Variants in NDST4 observed in about 807,000 individuals in gnomAD.
The protein encoded by NDST4 is N-deacetylase and N-sulfotransferase 4, also known as N-heparan sulfate sulfotransferase 4.
NDST4 carries 63 observed loss-of-function variants against 100.8 expected under a neutral mutation model. That is an observed-to-expected ratio of 0.62 (90% CI 0.51 to 0.77). NDST4 has a LOEUF of 0.77. Ranked by LOEUF, NDST4 falls within the 30% of genes least tolerant of loss-of-function variation. NDST4 has a pLI of 0.00. For synonymous variants in NDST4, 377 were observed against 361.8 expected (o/e 1.04, Z -0.48); for missense variants, 943 against 1,018.4 (o/e 0.93, Z 1.01).
intron 3 of NDST4, among the ~76,000 whole-genome samples, chr4:114,975,460 A>G (rs938567642): frequency 6.6e-6 from 1 of 152,126 alleles, no homozygotes; most frequent in Admixed American, 6.6e-5. Context: ...TAATTAAAAT[A>G]CATCTTTCTT....
At chr4:115,088,448 C>T (rs972131181) in intron 1 of NDST4, among the ~76,000 whole-genome samples, 1 of 151,802 alleles carries the variant, frequency 6.6e-6, no homozygotes, top group Non-Finnish European at 1.5e-5. Flanking sequence ...CATCTGTAGA[C>T]CATAAACACC....
chr4:114,849,579 A>AGCCAAAGGG (rs1723628150), intron 8 of NDST4, among the ~76,000 whole-genome samples: 1 of 152,188 alleles, frequency 6.6e-6, no homozygotes, highest in Non-Finnish European at 1.5e-5. Context: ...ACCAAGAGGT[A>AGCCAAAGGG]ATGAGTAGCT....
At chr4:115,097,298 G>A (rs1012853383) in intron 1 of NDST4, among the ~76,000 whole-genome samples, 10 of 152,022 alleles carry the variant, frequency 6.6e-5, no homozygotes, top group African/African-American at 2.2e-4. Context: ...GAAATCTAAT[G>A]GGCATTTCCA....
chr4:114,971,219 TC>T (rs1726508267), intron 3 of NDST4, among the ~76,000 whole-genome samples: 1 of 152,084 alleles, frequency 6.6e-6, no homozygotes, highest in African/African-American at 2.4e-5. Flanking sequence ...ATATCAAATT[TC>T]CCATTTTAAT....
chr4:115,100,685 C>CA (rs966687140), intron 1 of NDST4, among the ~76,000 whole-genome samples: 5 of 151,974 alleles, frequency 3.3e-5, no homozygotes, highest in Admixed American at 6.6e-5. Context: ...ATTCATAAGA[C>CA]AAAATGACAC....
At chr4:114,929,639 T>A (rs934413086) in intron 6 of NDST4, among the ~76,000 whole-genome samples, 8 of 152,204 alleles carry the variant, frequency 5.3e-5, no homozygotes, top group Non-Finnish European at 2.9e-5. Flanking sequence ...GAAATAAATG[T>A]GTGTAGCAAT....
chr4:114,956,995 G>T (rs1726155781), intron 4 of NDST4, among the ~76,000 whole-genome samples: 1 of 152,106 alleles, frequency 6.6e-6, no homozygotes. Context: ...AGAAGACAAA[G>T]ATTTCAAATT....
chr4:114,888,399 A>C (rs185984102), intron 6 of NDST4, among the ~76,000 whole-genome samples: 69 of 152,268 alleles, frequency 4.5e-4, no homozygotes, highest in Non-Finnish European at 6.2e-4. Context: ...GCATGGCTCA[A>C]GCTTAAAGGC....
intron 11 of NDST4, among the ~76,000 whole-genome samples, chr4:114,837,861 A>C (rs190990605): frequency 7.2e-5 from 11 of 152,344 alleles, no homozygotes. Flanking sequence ...TCTGCACAGC[A>C]AAAGAAACTA....
intron 6 of NDST4, among the ~76,000 whole-genome samples, chr4:114,872,446 G>A (rs1003310434): frequency 6.6e-6 from 1 of 151,916 alleles, no homozygotes; most frequent in Non-Finnish European, 1.5e-5. Flanking sequence ...ATATCAGTTC[G>A]TTGTTTGAAT....
intron 6 of NDST4, among the ~76,000 whole-genome samples, chr4:114,888,666 T>A (rs796575273): frequency 8.5e-5 from 13 of 152,322 alleles, no homozygotes; most frequent in African/African-American, 2.9e-4. Flanking sequence ...CATCATTTTT[T>A]AATTTCTCCT....
intron 1 of NDST4, among the ~76,000 whole-genome samples, chr4:115,083,081 C>A (rs1171348723): frequency 1.3e-5 from 2 of 152,006 alleles, no homozygotes; most frequent in Non-Finnish European, 2.9e-5. Flanking sequence ...ATGCTTCATG[C>A]GTTTTTTTGT....
chr4:114,863,244 A>C (rs1723954887), intron 7 of NDST4, among the ~76,000 whole-genome samples: 1 of 152,226 alleles, frequency 6.6e-6, no homozygotes, highest in Non-Finnish European at 1.5e-5. Flanking sequence ...GCAACCTGGC[A>C]AGACAGATAT....
intron 3 of NDST4, among the ~76,000 whole-genome samples, chr4:114,971,782 G>A (rs1331830365): frequency 6.6e-6 from 1 of 152,204 alleles, no homozygotes; most frequent in East Asian, 1.9e-4. Flanking sequence ...CCATGGTCAT[G>A]AGAGTAGCTC....
intron 2 of NDST4, among the ~76,000 whole-genome samples, chr4:114,989,427 A>T (rs1183364643): frequency 6.6e-6 from 1 of 152,186 alleles, no homozygotes. Flanking sequence ...TAAGCAGCTA[A>T]TATAGTCCAG....
At chr4:114,953,380 T>C (rs1455766146) in intron 4 of NDST4, among the ~76,000 whole-genome samples, 1 of 152,098 alleles carries the variant, frequency 6.6e-6, no homozygotes, top group Admixed American at 6.6e-5. Flanking sequence ...TAGAATCAAA[T>C]AACATGACAA....
Position 114,836,787 on chromosome 4 carries a change from C to T in NDST4, c.2286+2591G>A, listed in dbSNP as rs527530948. Among the ~76,000 whole-genome samples, 4 of 152,176 alleles carry T rather than the reference C, an allele frequency of 2.6e-5. No individual in the cohort carries two copies. The East Asian group carries it at 7.7e-4, about 29-fold the overall frequency. ...GTAGCTTTGGTCTTTTCACATAGTC[C>T]CATATTTCTTGGAGGCTTTGTTCAT... On this transcript the variant is annotated intron_variant, in intron 11 of 13. Coordinates refer to ENST00000264363, the MANE Select transcript of NDST4 (RefSeq NM_022569.3).
Position 115,076,837 on chromosome 4 carries a change from GT to G in NDST4, c.199del (p.Thr67GlnfsTer30), listed in dbSNP as rs1487991252. ...ILPYRSMELK[T>X]VKPIDTSKTD... is the part of the protein sequence containing the mutation. ...TTTGGATGTGTCAATAGGTTTAACTGTTTTCAGCTCCATTGACCTATATGGT... is the reference window on the plus strand; with the variant it reads ...TTTGGATGTGTCAATAGGTTTAACTGTTTCAGCTCCATTGACCTATATGGT... On this transcript the variant is annotated frameshift_variant, in exon 2 of 14. Coordinates refer to ENST00000264363, the MANE Select transcript of NDST4 (RefSeq NM_022569.3). LOFTEE classifies it high-confidence loss of function. 1 of 1,613,814 alleles carries G rather than the reference GT, an allele frequency of 6.2e-7. No individual in the cohort carries two copies. Among genetic ancestry groups the G allele is most frequent in the Non-Finnish European group, 8.5e-7 (1 of 1,179,878 alleles).
intron 1 of NDST4, among the ~76,000 whole-genome samples, chr4:115,084,097 C>T (rs560758340): frequency 2.0e-5 from 3 of 152,242 alleles, no homozygotes; most frequent in African/African-American, 7.2e-5. Context: ...TGTCGAATAG[C>T]TTTGACCAAA....
Sources: allele counts gnomAD v4.1 joint callset (sites outside exome capture counted in the v4.1 genomes callset), GRCh38; gene constraint gnomAD v4.1.1; transcripts MANE v1.5; gene names NCBI Gene and HGNC (gene_info 2026-07-23, HGNC 2026-07-21).